The following LYRM4 variants were observed in gnomAD, a reference collection of about 807,000 sequenced individuals.
LYRM4 encodes LYR motif-containing protein 4.
LYRM4 carries 9 observed loss-of-function variants against 11.7 expected under a neutral mutation model. The observed-to-expected ratio is 0.77, with a 90% CI of 0.46 to 1.34. The LOEUF (loss-of-function observed/expected upper bound fraction) is 1.34, where lower values mean the gene tolerates loss of function less well. LYRM4 is among the 40% of genes most tolerant of loss of function. The pLI is 0.00. For synonymous variants in LYRM4, 42 were observed against 40.4 expected (o/e 1.04, Z -0.15); for missense variants, 133 against 112.5 (o/e 1.18, Z -0.82).
intron 1 of LYRM4, among the ~76,000 whole-genome samples, chr6:5,253,601 G>A (rs1764532953): frequency 6.6e-6 from 1 of 152,140 alleles, no homozygotes; most frequent in Admixed American, 6.5e-5. Flanking sequence ...AAGGTACAGT[G>A]CTGTGGTGGT....
At chr6:5,075,031 C>T in the LYRM4 span, among the ~76,000 whole-genome samples, 1 of 152,146 alleles carries the variant, frequency 6.6e-6, no homozygotes, top group South Asian at 2.1e-4. Context: ...AAGTGTGTGG[C>T]ACCTCCCCCC....
At chr6:5,082,139 T>C in the LYRM4 span, among the ~76,000 whole-genome samples, 1 of 152,168 alleles carries the variant, frequency 6.6e-6, no homozygotes, top group Non-Finnish European at 1.5e-5. Context: ...GGATGGGTTG[T>C]GGGAACACTA....
intron 1 of LYRM4, among the ~76,000 whole-genome samples, chr6:5,240,113 T>C (rs1166749745): frequency 2.0e-5 from 3 of 152,186 alleles, no homozygotes; most frequent in African/African-American, 7.2e-5. Flanking sequence ...GTACTCCACC[T>C]AGCTCTGCCA....
At chr6:5,086,442 C>A in the LYRM4 span, 1 of 1,536,614 alleles carries the variant, frequency 6.5e-7, no homozygotes, top group East Asian at 2.4e-5. Flanking sequence ...AGGACGCCGA[C>A]GAGCGCGGCG....
rs566829541 is a variant in LYRM4 at position 5,257,590 on chromosome 6, G to A, written c.86+3058C>T. 1.1e-4 allele frequency among the ~76,000 whole-genome samples: 16 copies of A among 152,326 alleles called. No homozygotes were observed. The East Asian group carries it at 1.3e-3, about 13-fold the overall frequency. On this transcript the variant is annotated intron_variant, in intron 1 of 2. Coordinates refer to ENST00000330636, the MANE Select transcript of LYRM4 (RefSeq NM_020408.6). ...GAACCGGGCCACACAGCAGTTGAGC[G>A]GTGGGTGAGTGCGCATTATGGCCTG...
At chr6:5,146,844 G>C (rs897277411) in intron 2 of LYRM4, among the ~76,000 whole-genome samples, 2 of 152,224 alleles carry the variant, frequency 1.3e-5, no homozygotes, top group African/African-American at 4.8e-5. Context: ...AGGCCGGTCT[G>C]TGGGCAGACA....
the LYRM4 span, chr6:5,066,375 G>A: frequency 1.4e-6 from 1 of 728,824 alleles, no homozygotes; most frequent in South Asian, 1.4e-5. Flanking sequence ...TTCCAAAGTG[G>A]CCCTTTTTTC....
At chr6:5,101,744 T>A (rs543043945), downstream of LYRM4, among the ~76,000 whole-genome samples, 60 of 152,220 alleles carry the variant, frequency 3.9e-4, no homozygotes, top group South Asian at 1.2e-3. Context: ...CAGCTCAGAC[T>A]GTCCCATCCA....
rs373165327 is a variant in LYRM4 at position 5,176,442 on chromosome 6, T to A, written c.207+40176A>T. Among the ~76,000 whole-genome samples, 10 of 152,352 alleles carry A rather than the reference T, an allele frequency of 6.6e-5. No homozygotes were observed. The East Asian group carries it at 1.9e-3, about 29-fold the overall frequency. On this transcript the variant is annotated intron_variant, in intron 2 of 2. Transcript: ENST00000330636. ...CGGAATACTAAGAAATTATCTGAAA[T>A]GGCTTCTTTGGTGCTACCAGTGATA... is the stretch of plus-strand genomic sequence containing the variant.
chr6:5,104,685 T>G (rs535530229), downstream of LYRM4: 21 of 152,264 alleles, frequency 1.4e-4, no homozygotes, highest in African/African-American at 4.8e-4. Context: ...GGGCTTTCTG[T>G]TTGAAGTTGA....
chr6:5,253,057 T>C (rs1374756656), intron 1 of LYRM4, among the ~76,000 whole-genome samples: 2 of 152,204 alleles, frequency 1.3e-5, no homozygotes, highest in African/African-American at 4.8e-5. Flanking sequence ...TAAACTTCTT[T>C]AGGAGCTTGT....
chr6:5,228,254 G>A (rs1763013361), intron 1 of LYRM4, among the ~76,000 whole-genome samples: 1 of 152,110 alleles, frequency 6.6e-6, no homozygotes, highest in Non-Finnish European at 1.5e-5. Context: ...GGACCTTGGA[G>A]GAAATTCATT....
the LYRM4 span, among the ~76,000 whole-genome samples, chr6:5,078,238 C>CTT: frequency 2.1e-5 from 3 of 142,334 alleles, no homozygotes; most frequent in Admixed American, 7.1e-5. Flanking sequence ...CAGCTGGGTA[C>CTT]TTTTTTTTTT....
chr6:5,188,798 C>G (rs923971425), intron 2 of LYRM4, among the ~76,000 whole-genome samples: 2 of 152,200 alleles, frequency 1.3e-5, no homozygotes, highest in Non-Finnish European at 2.9e-5. Context: ...GTGTCTTGTC[C>G]TGTCACCCAG....
chr6:5,102,255 T>C (rs754933944), downstream of LYRM4, among the ~76,000 whole-genome samples: 8 of 152,168 alleles, frequency 5.3e-5, no homozygotes, highest in Non-Finnish European at 1.0e-4. Context: ...TTAATAATTT[T>C]AAACACATTA....
the LYRM4 span, among the ~76,000 whole-genome samples, chr6:5,071,622 A>T: frequency 6.6e-6 from 1 of 151,644 alleles, no homozygotes. Flanking sequence ...GTGTGTATGT[A>T]TATATATATG....
intron 1 of LYRM4, among the ~76,000 whole-genome samples, chr6:5,223,255 T>C (rs765536112): frequency 4.6e-5 from 7 of 152,228 alleles, no homozygotes; most frequent in Non-Finnish European, 8.8e-5. Flanking sequence ...CATTGCTGTT[T>C]TGAGGGTACA....
chr6:5,171,213 A>C (rs1759408159), intron 2 of LYRM4, among the ~76,000 whole-genome samples: 1 of 152,242 alleles, frequency 6.6e-6, no homozygotes, highest in South Asian at 2.1e-4. Context: ...GTAATAAAAA[A>C]GCAATACTTC....
intron 2 of LYRM4, among the ~76,000 whole-genome samples, chr6:5,167,455 T>C (rs939663983): frequency 3.3e-5 from 5 of 152,218 alleles, no homozygotes; most frequent in Non-Finnish European, 7.3e-5. Flanking sequence ...CACCATAATG[T>C]ATTTACTTTT....
Sources: gnomAD v4.1 joint callset for allele counts (sites outside exome capture counted in the v4.1 genomes callset) on GRCh38, gnomAD v4.1.1 for gene constraint, MANE v1.5 for transcripts, NCBI Gene and HGNC (gene_info 2026-07-23, HGNC 2026-07-21) for gene names.